Variants in ULK4 observed in about 807,000 individuals in gnomAD.
ULK4 encodes unc-51 like kinase 4.
ULK4 carries 133 observed loss-of-function variants against 160.6 expected under a neutral mutation model. That is an observed-to-expected ratio of 0.83 (90% CI 0.72 to 0.96). ULK4 has a LOEUF of 0.96. Ranked by LOEUF, ULK4 falls within the 40% of genes least tolerant of loss-of-function variation. ULK4 has a pLI of 0.00. For missense variants in ULK4, 1,580 were observed against 1,499.5 expected, an observed-to-expected ratio of 1.05 and a Z score of -0.89; for synonymous variants, 534 against 539.8, an observed-to-expected ratio of 0.99 and a Z score of 0.15.
At chr3:41,829,773 T>C (rs2041505886) in intron 18 of ULK4, among the ~76,000 whole-genome samples, 1 of 149,266 alleles carries the variant, frequency 6.7e-6, no homozygotes, top group Non-Finnish European at 1.5e-5. Flanking sequence ...AAATACCATT[T>C]GACCCAGCCA....
chr3:41,482,584 G>A (rs76450411), intron 32 of ULK4, among the ~76,000 whole-genome samples: 1 of 152,142 alleles, frequency 6.6e-6, no homozygotes, highest in Admixed American at 6.5e-5. Context: ...ATATGAGCAG[G>A]TAAGAGTCCT....
At chr3:41,488,620 GC>G (rs1201263181) in intron 32 of ULK4, among the ~76,000 whole-genome samples, 2 of 152,170 alleles carry the variant, frequency 1.3e-5, no homozygotes, top group Admixed American at 6.6e-5. Flanking sequence ...TTAAATTGTG[GC>G]CTGAAACTTA....
chr3:41,858,141 TTG>T (rs1491065908), intron 17 of ULK4, among the ~76,000 whole-genome samples: 1,707 of 94,912 alleles, frequency 0.018, 36 homozygotes, highest in African/African-American at 0.073. Context: ...AGGGTTTTTT[TTG>T]TTTGTTTTTT....
intron 35 of ULK4, among the ~76,000 whole-genome samples, chr3:41,375,325 G>C (rs1306268015): frequency 1.3e-5 from 2 of 151,850 alleles, no homozygotes; most frequent in African/African-American, 4.8e-5. Context: ...GTATAGCCAA[G>C]ACAATCCTAA....
At chr3:41,507,530 AG>A (rs2085432708) in intron 32 of ULK4, among the ~76,000 whole-genome samples, 1 of 151,538 alleles carries the variant, frequency 6.6e-6, no homozygotes, top group Admixed American at 6.6e-5. Context: ...TTACAGTAAA[AG>A]TCAGAAAACC....
intron 34 of ULK4, among the ~76,000 whole-genome samples, chr3:41,434,601 A>C (rs751796353): frequency 6.6e-6 from 1 of 152,196 alleles, no homozygotes; most frequent in Non-Finnish European, 1.5e-5. Flanking sequence ...AGCACATAGA[A>C]TCTATTTGTC....
chr3:41,279,255 T>TAAAAAAACAAA (rs2079296934), intron 35 of ULK4, among the ~76,000 whole-genome samples: 6 of 43,052 alleles, frequency 1.4e-4, no homozygotes, highest in Non-Finnish European at 1.7e-4. Context: ...AAAAAAAGAG[T>TAAAAAAACAAA]AAAAAAAAAA....
chr3:41,773,758 T>C lies in ULK4; in HGVS notation c.2193+15903A>G, dbSNP rs561673529. ...TATGGAACCAAAAAAGAGCCGGCAT[T>C]GCCAAGTCAATCCTAAGCCAAAAGA... On this transcript the variant is annotated intron_variant, in intron 21 of 36. Transcript: ENST00000301831. Among the ~76,000 whole-genome samples the C allele has an allele frequency of 3.0e-4, 45 of 152,234 alleles. 1 individual carries two copies. Among genetic ancestry groups the C allele is most frequent in the African/African-American group, 5.5e-4 (23 of 41,544 alleles).
At chr3:41,905,633 G>A (rs1395158458) in intron 12 of ULK4, among the ~76,000 whole-genome samples, 1 of 151,874 alleles carries the variant, frequency 6.6e-6, no homozygotes, top group Non-Finnish European at 1.5e-5. Context: ...ATAATAAAGA[G>A]ATAAATAACC....
At chr3:41,491,984 TG>T (rs1374232903) in intron 32 of ULK4, among the ~76,000 whole-genome samples, 5 of 152,000 alleles carry the variant, frequency 3.3e-5, no homozygotes, top group African/African-American at 1.2e-4. Flanking sequence ...ATGTGGTGTT[TG>T]GTTTTTTGTC....
At chr3:41,512,133 G>C (rs1364191941) in intron 32 of ULK4, among the ~76,000 whole-genome samples, 2 of 152,036 alleles carry the variant, frequency 1.3e-5, no homozygotes, top group Non-Finnish European at 2.9e-5. Context: ...ATACCTTAAG[G>C]CAATAAAAAG....
chr3:41,762,942 C>T (rs1320164160), intron 21 of ULK4, among the ~76,000 whole-genome samples: 1 of 152,228 alleles, frequency 6.6e-6, no homozygotes, highest in African/African-American at 2.4e-5. Flanking sequence ...GGATTACAGG[C>T]GTGAGCCACT....
At chr3:41,423,921 C>T (rs919585915) in intron 34 of ULK4, among the ~76,000 whole-genome samples, 1 of 152,184 alleles carries the variant, frequency 6.6e-6, no homozygotes, top group Admixed American at 6.5e-5. Context: ...CCTTGGGCCC[C>T]AAGCACAGAG....
Position 41,845,155 on chromosome 3 carries a change from TG to T in ULK4, c.1657-9185del, listed in dbSNP as rs1299745165. Among the ~76,000 whole-genome samples the T allele has an allele frequency of 3.3e-5, 5 of 152,044 alleles. No homozygotes were observed. In the East Asian group the frequency reaches 9.7e-4, roughly 30 times the overall value. The stretch of plus-strand genomic sequence containing the variant: ...TAATTTTTTGTATTTTTAGTAGAGA[TG>T]GGGTTTCACCGTGTTAGCCAGGATG... On this transcript the variant is annotated intron_variant, in intron 17 of 36. Transcript: ENST00000301831.
At chr3:41,453,124 T>C (rs1211369828) in intron 34 of ULK4, among the ~76,000 whole-genome samples, 1 of 152,160 alleles carries the variant, frequency 6.6e-6, no homozygotes, top group Non-Finnish European at 1.5e-5. Context: ...TAATAGAATC[T>C]AGCTCATTGT....
intron 2 of ULK4, among the ~76,000 whole-genome samples, chr3:41,943,978 C>G (rs533109164): frequency 9.2e-5 from 14 of 152,306 alleles, no homozygotes; most frequent in Non-Finnish European, 1.5e-4. Context: ...TATGACAGAA[C>G]AGCCTTGTGC....
chr3:41,398,359 G>T (rs972210352), intron 34 of ULK4, 95 bp from the exon 35 acceptor site: 4 of 1,230,188 alleles, frequency 3.3e-6, no homozygotes, highest in Non-Finnish European at 3.5e-6. Context: ...GGGGGTGTCA[G>T]CCTGAGTAGT....
chr3:41,610,020 A>AT (rs1260937073), intron 31 of ULK4, among the ~76,000 whole-genome samples: 357 of 141,986 alleles, frequency 2.5e-3, no homozygotes, highest in Middle Eastern at 0.014. Flanking sequence ...AAATAATTTT[A>AT]TTTTTTTTTT....
intron 32 of ULK4, among the ~76,000 whole-genome samples, chr3:41,505,504 A>T (rs775207154): frequency 2.8e-4 from 43 of 152,206 alleles, no homozygotes; most frequent in Non-Finnish European, 5.6e-4. Flanking sequence ...TGAATATCCT[A>T]ATGTTCAGTA....
Sources: gnomAD v4.1 joint callset for allele counts (sites outside exome capture counted in the v4.1 genomes callset) on GRCh38, gnomAD v4.1.1 for gene constraint, MANE v1.5 for transcripts, NCBI Gene and HGNC (gene_info 2026-07-23, HGNC 2026-07-21) for gene names.